The following COPG2 variants were observed in gnomAD, a reference collection of about 807,000 sequenced individuals.
COPG2 encodes the protein coatomer subunit gamma-2.
In COPG2, 37 loss-of-function variants were observed where a neutral mutation model predicts 46.3. That is an observed-to-expected ratio of 0.80 (90% CI 0.61 to 1.05). The LOEUF is 1.05. Among genes scored for constraint, COPG2 ranks in the 50% least tolerant of loss-of-function variants. COPG2 has a pLI of 0.00. For synonymous variants in COPG2, 159 were observed against 129.7 expected (o/e 1.23, Z -1.53); for missense variants, 427 against 387.8 (o/e 1.10, Z -0.85).
At chr7:130,638,821 C>T (rs1318373841) in intron 5 of COPG2, among the ~76,000 whole-genome samples, 6 of 152,242 alleles carry the variant, frequency 3.9e-5, no homozygotes, top group South Asian at 4.2e-4. Flanking sequence ...CCCAAACGGC[C>T]GCCCAGTTTT....
Position 130,668,621 on chromosome 7 carries a change from C to A in COPG2, c.37+11G>T. 1 of 1,529,818 alleles carries A rather than the reference C, an allele frequency of 6.5e-7. No individual in the cohort carries two copies. Among genetic ancestry groups the A allele is most frequent in the East Asian group, 2.8e-5 (1 of 35,710 alleles). The allele number at this position is 1,529,818 out of a possible 1,614,324, so 94.8% of individuals were successfully genotyped here. On this transcript the variant is annotated intron_variant, in intron 1 of 23. Transcript: ENST00000425248. Reference sequence around the variant, plus strand: ...GCGGCTGAGGGTGGGCCTCGGAAGCCCCGCGCGTACCAGACTCCTCGTCCT... The same window carrying A: ...GCGGCTGAGGGTGGGCCTCGGAAGCACCGCGCGTACCAGACTCCTCGTCCT...
intron 5 of COPG2, among the ~76,000 whole-genome samples, chr7:130,620,809 G>A (rs1554453530): frequency 6.6e-6 from 1 of 152,158 alleles, no homozygotes; most frequent in African/African-American, 2.4e-5. Context: ...GATTTTGGAA[G>A]ATTTTTACAA....
intron 20 of COPG2, among the ~76,000 whole-genome samples, chr7:130,545,342 A>G (rs1168032804): frequency 3.9e-5 from 6 of 152,154 alleles, no homozygotes; most frequent in Non-Finnish European, 7.4e-5. Flanking sequence ...TTTCAAGTTG[A>G]AGGAAATCAA....
chr7:130,538,520 G>T (rs1006582445), intron 20 of COPG2, among the ~76,000 whole-genome samples: 2 of 152,110 alleles, frequency 1.3e-5, no homozygotes, highest in Non-Finnish European at 2.9e-5. Flanking sequence ...GATTACGGTA[G>T]GGAGGCAAAA....
At chr7:130,584,723 A>G (rs187684247) in intron 9 of COPG2, among the ~76,000 whole-genome samples, 47 of 152,188 alleles carry the variant, frequency 3.1e-4, no homozygotes, top group Admixed American at 7.2e-4. Flanking sequence ...CTGCAAAAAA[A>G]ATAAAATACT....
At chr7:130,647,848 A>T (rs978741489) in intron 5 of COPG2, among the ~76,000 whole-genome samples, 69 of 151,130 alleles carry the variant, frequency 4.6e-4, no homozygotes, top group African/African-American at 1.3e-3. Context: ...CTCCTGCCTC[A>T]GCCTCCTGAG....
chr7:130,538,134 CTG>C (rs1363154798), intron 20 of COPG2, among the ~76,000 whole-genome samples: 121 of 152,152 alleles, frequency 8.0e-4, no homozygotes, highest in Non-Finnish European at 1.6e-3. Flanking sequence ...ATTCCTGAGT[CTG>C]TGGATTGACC....
chr7:130,515,765 T>C (rs1799673428), intron 20 of COPG2, among the ~76,000 whole-genome samples: 1 of 151,994 alleles, frequency 6.6e-6, no homozygotes, highest in East Asian at 1.9e-4. Flanking sequence ...TGAATGAGGC[T>C]GGAGGCTGAA....
intron 5 of COPG2, among the ~76,000 whole-genome samples, chr7:130,630,758 C>G (rs1358982444): frequency 6.6e-6 from 1 of 152,208 alleles, no homozygotes; most frequent in Non-Finnish European, 1.5e-5. Context: ...TGAAGACATA[C>G]AGCTTCTTGT....
chr7:130,648,126 T>C (rs1467082439), intron 5 of COPG2, among the ~76,000 whole-genome samples: 2 of 152,196 alleles, frequency 1.3e-5, no homozygotes, highest in Non-Finnish European at 2.9e-5. Context: ...TTGTGAAGTA[T>C]GTGCCTTCAG....
At chr7:130,548,894 G>C (rs1793488127) in intron 18 of COPG2, among the ~76,000 whole-genome samples, 1 of 151,830 alleles carries the variant, frequency 6.6e-6, no homozygotes, top group Non-Finnish European at 1.5e-5. Flanking sequence ...CTCCAGCCTG[G>C]GTGACAGAGC....
intron 5 of COPG2, among the ~76,000 whole-genome samples, chr7:130,631,979 T>C (rs1554455289): frequency 1.3e-5 from 2 of 152,232 alleles, no homozygotes; most frequent in Non-Finnish European, 2.9e-5. Flanking sequence ...CCTTCACTTT[T>C]GAAAGTTATT....
At chr7:130,668,580 G>A (rs1584625796) in intron 1 of COPG2, 52 bp downstream of exon 1, 2 of 1,473,336 alleles carry the variant, frequency 1.4e-6, no homozygotes, top group East Asian at 6.1e-5. Context: ...GCGGCGGGCG[G>A]GGGAAGGGGC....
chr7:130,637,603 T>C (rs1795369303), intron 5 of COPG2, among the ~76,000 whole-genome samples: 1 of 152,212 alleles, frequency 6.6e-6, no homozygotes, highest in African/African-American at 2.4e-5. Flanking sequence ...CTAAGCTGGT[T>C]ATTCTACTTA....
chr7:130,578,076 C>T (rs1354907405), intron 9 of COPG2, among the ~76,000 whole-genome samples: 13 of 152,220 alleles, frequency 8.5e-5, no homozygotes, highest in African/African-American at 1.2e-4. Context: ...CAGCAGTAAC[C>T]TCTGCAGACT....
At chr7:130,530,466 C>G (rs1393096889) in intron 20 of COPG2, among the ~76,000 whole-genome samples, 3 of 152,124 alleles carry the variant, frequency 2.0e-5, no homozygotes, top group Non-Finnish European at 2.9e-5. Context: ...AGTGGAAGAT[C>G]TGGAGGAGCA....
rs1554439987 is a variant in COPG2, at chr7:130,506,456, G to A, written c.*220C>T. 2.2e-5 allele frequency: 7 copies of A among 316,712 alleles called. No individual in the cohort carries two copies. The highest frequency in any genetic ancestry group is 1.7e-4 in the East Asian group (3 of 17,270). The allele number at this position is 316,712 out of a possible 1,614,324, so 19.6% of individuals were successfully genotyped here. A position where few individuals can be genotyped will look rare whatever the true frequency, so the allele number is the denominator to read the frequency against. On this transcript the variant is annotated 3_prime_UTR_variant, in exon 24 of 24. Coordinates refer to ENST00000425248, the MANE Select transcript of COPG2 (RefSeq NM_012133.6). ...CAAGATCACCCAAAGCTGCACTATC[G>A]TCCCAAAGCTGACCAAGTAGAATAA... is the stretch of plus-strand genomic sequence containing the variant.
At chr7:130,517,405 G>A (rs980554746) in intron 20 of COPG2, among the ~76,000 whole-genome samples, 7 of 152,212 alleles carry the variant, frequency 4.6e-5, no homozygotes, top group African/African-American at 1.7e-4. Flanking sequence ...AATGAATGGT[G>A]CATCTAACAG....
chr7:130,561,420 C>T (rs1793717510), intron 11 of COPG2, among the ~76,000 whole-genome samples, 199 bp from the exon 12 acceptor site: 2 of 152,270 alleles, frequency 1.3e-5, no homozygotes, highest in South Asian at 2.1e-4. Flanking sequence ...GCATCGTACT[C>T]TCTTTTGTTA....
Sources: gnomAD v4.1 joint callset for allele counts (sites outside exome capture counted in the v4.1 genomes callset) on GRCh38, gnomAD v4.1.1 for gene constraint, MANE v1.5 for transcripts, NCBI Gene and HGNC (gene_info 2026-07-23, HGNC 2026-07-21) for gene names.